ADGRV1: variants seen among roughly 807,000 people sequenced by gnomAD.
ADGRV1 encodes G-protein coupled receptor 98.
ADGRV1 carries 359 observed loss-of-function variants against 596.2 expected under a neutral mutation model. The observed-to-expected ratio is 0.60, with a 90% CI of 0.55 to 0.66. The LOEUF (loss-of-function observed/expected upper bound fraction) is 0.66, where lower values mean the gene tolerates loss of function less well. Ranked by LOEUF, ADGRV1 falls within the 30% of genes least tolerant of loss-of-function variation. ADGRV1 has a pLI of 0.00. For synonymous variants in ADGRV1, 2,681 were observed against 2,679.2 expected, an observed-to-expected ratio of 1.00 and a Z score of -0.02; for missense variants, 7,274 against 7,575.6, an observed-to-expected ratio of 0.96 and a Z score of 1.48.
chr5:90,671,028 A>G (rs1772390995), intron 21 of ADGRV1, among the ~76,000 whole-genome samples: 1 of 152,168 alleles, frequency 6.6e-6, no homozygotes, highest in Non-Finnish European at 1.5e-5. Flanking sequence ...GCCTCACCAT[A>G]TACCATGTCA....
At chr5:91,051,813 A>G (rs1786359723) in intron 85 of ADGRV1, among the ~76,000 whole-genome samples, 1 of 152,134 alleles carries the variant, frequency 6.6e-6, no homozygotes, top group African/African-American at 2.4e-5. Context: ...TTACATCCCA[A>G]TGAGCATCTA....
chr5:90,984,414 G>A lies in ADGRV1; in HGVS notation c.17974-930G>A, dbSNP rs533945284. On this transcript the variant is annotated intron_variant, in intron 84 of 89. Coordinates refer to ENST00000405460, the MANE Select transcript of ADGRV1 (RefSeq NM_032119.4). Reference sequence around the variant, plus strand: ...AAGACACTAGAAGACTTAGATCCAAGTTAGGTGTGGGATTTGGAGCCAACA... The same window carrying A: ...AAGACACTAGAAGACTTAGATCCAAATTAGGTGTGGGATTTGGAGCCAACA... Among the ~76,000 whole-genome samples, 11 of 152,230 alleles carry A rather than the reference G, an allele frequency of 7.2e-5. No individual in the cohort carries two copies. In the South Asian group the frequency reaches 2.3e-3, roughly 32 times the overall value.
chr5:91,143,871 C>T (rs1418473202), intron 87 of ADGRV1, among the ~76,000 whole-genome samples: 1 of 152,222 alleles, frequency 6.6e-6, no homozygotes, highest in African/African-American at 2.4e-5. Context: ...CCTCAGCCCC[C>T]CTCAGCCTCC....
chr5:90,880,238 A>G (rs931598842), intron 83 of ADGRV1, among the ~76,000 whole-genome samples: 1 of 152,152 alleles, frequency 6.6e-6, no homozygotes, highest in Non-Finnish European at 1.5e-5. Context: ...TGTGTGTCTG[A>G]TTCTCTTTTA....
intron 59 of ADGRV1, among the ~76,000 whole-genome samples, chr5:90,767,716 T>C (rs2097074852): frequency 6.6e-6 from 1 of 151,942 alleles, no homozygotes; most frequent in South Asian, 2.1e-4. Context: ...CTTCAGAGCC[T>C]TCAACATGAG....
intron 83 of ADGRV1, among the ~76,000 whole-genome samples, chr5:90,922,729 A>G (rs139899749): frequency 1.3e-5 from 2 of 152,334 alleles, no homozygotes; most frequent in African/African-American, 4.8e-5. Flanking sequence ...AGTTTGTTAG[A>G]AATGCAGAAT....
chr5:90,954,168 G>A (rs921936438), intron 83 of ADGRV1, among the ~76,000 whole-genome samples: 284 of 66,828 alleles, frequency 4.2e-3, no homozygotes, highest in Non-Finnish European at 6.4e-3. Flanking sequence ...TCCCAGCCTT[G>A]CTTTTTTTTT....
At chr5:90,772,529 C>T (rs1457785873) in intron 59 of ADGRV1, among the ~76,000 whole-genome samples, 1 of 152,098 alleles carries the variant, frequency 6.6e-6, no homozygotes, top group African/African-American at 2.4e-5. Flanking sequence ...GTTAGATGAA[C>T]TTTATTCAGG....
intron 38 of ADGRV1, among the ~76,000 whole-genome samples, chr5:90,708,337 AT>A (rs1164075874): frequency 6.6e-6 from 1 of 151,976 alleles, no homozygotes; most frequent in Non-Finnish European, 1.5e-5. Context: ...AGGAGCTATT[AT>A]TGCCCCGTTA....
Position 90,855,783 on chromosome 5 carries a change from T to A in ADGRV1, c.17637T>A (p.Thr5879=). ...AGTTTTGCAAAGTGGTTGAGGAAAC[T>A]GCAGACTATGTGGAATGTGCCTGTT... is the stretch of plus-strand genomic sequence containing the variant. ...DSQFCKVVEE[T]ADYVECACSH... is the part of the protein sequence containing the mutation. The change falls in exon 82 of 90, where the codon ACT becomes ACA. Residue 5879 remains threonine (T), a synonymous_variant. Coordinates refer to ENST00000405460, the MANE Select transcript of ADGRV1 (RefSeq NM_032119.4). 6.2e-7 allele frequency: 1 copy of A among 1,600,758 alleles called. No homozygotes were observed.
chr5:90,924,857 C>T (rs993987085), intron 83 of ADGRV1, among the ~76,000 whole-genome samples: 8 of 151,946 alleles, frequency 5.3e-5, no homozygotes, highest in African/African-American at 1.9e-4. Flanking sequence ...ATATGGCTAG[C>T]CAGTTTTCCC....
chr5:91,093,248 AG>A (rs1790538495), intron 86 of ADGRV1, among the ~76,000 whole-genome samples: 1 of 152,208 alleles, frequency 6.6e-6, no homozygotes, highest in Non-Finnish European at 1.5e-5. Flanking sequence ...CTATCCCTCG[AG>A]TTCATCCTCA....
At chr5:90,873,510 C>T (rs1768910217) in intron 83 of ADGRV1, among the ~76,000 whole-genome samples, 1 of 152,122 alleles carries the variant, frequency 6.6e-6, no homozygotes, top group Non-Finnish European at 1.5e-5. Context: ...CCCCAACCCC[C>T]CGTTTATTCT....
chr5:91,109,786 A>G (rs1792207527), intron 87 of ADGRV1, among the ~76,000 whole-genome samples: 1 of 152,220 alleles, frequency 6.6e-6, no homozygotes, highest in Admixed American at 6.5e-5. Context: ...TAATGGAAAG[A>G]GTCAAGTTGG....
At chr5:90,567,609 C>A (rs1163219837) in intron 1 of ADGRV1, among the ~76,000 whole-genome samples, 1 of 152,066 alleles carries the variant, frequency 6.6e-6, no homozygotes. Flanking sequence ...TGTTCATGGT[C>A]ATGCTTTATA....
At chr5:91,093,794 A>C (rs1790584640) in intron 86 of ADGRV1, among the ~76,000 whole-genome samples, 1 of 152,048 alleles carries the variant, frequency 6.6e-6, no homozygotes, top group Non-Finnish European at 1.5e-5. Flanking sequence ...ATGAAAATAC[A>C]TATAAACATG....
chr5:91,097,661 C>T (rs1050437382), intron 86 of ADGRV1, among the ~76,000 whole-genome samples: 8 of 152,148 alleles, frequency 5.3e-5, no homozygotes, highest in African/African-American at 1.9e-4. Flanking sequence ...CTGTTTTCCA[C>T]GGCAGTTGTG....
At chr5:90,849,770 G>C (rs1441070971) in intron 79 of ADGRV1, among the ~76,000 whole-genome samples, 1 of 152,026 alleles carries the variant, frequency 6.6e-6, no homozygotes, top group Non-Finnish European at 1.5e-5. Flanking sequence ...TAAGAACAAG[G>C]AATAAAATAA....
chr5:90,965,601 C>T, intron 84 of ADGRV1, 70 bp downstream of exon 84: 1 of 799,028 alleles, frequency 1.3e-6, no homozygotes, highest in Non-Finnish European at 2.1e-6. Context: ...GTCTTAATGT[C>T]TGATACTCTG....
Sources: gnomAD v4.1 joint callset for allele counts (sites outside exome capture counted in the v4.1 genomes callset) on GRCh38, gnomAD v4.1.1 for gene constraint, MANE v1.5 for transcripts, NCBI Gene and HGNC (gene_info 2026-07-23, HGNC 2026-07-21) for gene names.